Variants in BUD31 observed in about 807,000 individuals in gnomAD.
BUD31 encodes the protein BUD31 spliceosome associated protein.
Under a neutral mutation model 17.9 loss-of-function variants are expected in BUD31, and 9 were observed. The observed-to-expected ratio is 0.50, with a 90% CI of 0.30 to 0.88. BUD31 has a LOEUF of 0.88. Ranked by LOEUF, BUD31 falls within the 40% of genes least tolerant of loss-of-function variation. The pLI is 0.06. For missense variants in BUD31, 148 were observed against 184.5 expected, an observed-to-expected ratio of 0.80 and a Z score of 1.15; for synonymous variants, 70 against 64.7, an observed-to-expected ratio of 1.08 and a Z score of -0.39.
At chr7:99,409,790 T>G (rs1795104716) in intron 1 of BUD31, among the ~76,000 whole-genome samples, 1 of 148,226 alleles carries the variant, frequency 6.7e-6, no homozygotes, top group African/African-American at 2.5e-5. Flanking sequence ...TGGGTCTTTG[T>G]AAAGTGTCAG....
intron 3 of BUD31, among the ~76,000 whole-genome samples, chr7:99,413,067 G>T (rs1015189845): frequency 1.3e-5 from 2 of 152,164 alleles, no homozygotes; most frequent in African/African-American, 4.8e-5. Context: ...TCACCATCAT[G>T]GCAGAGGCCA....
chr7:99,417,324 A>T (rs1432574965), intron 4 of BUD31, 105 bp from the exon 5 acceptor site: 5 of 1,187,120 alleles, frequency 4.2e-6, no homozygotes, highest in Non-Finnish European at 6.2e-6. Context: ...AAGTGCTGGG[A>T]TTACAGGTGT....
rs186351479 is a variant in BUD31 at position 99,412,254 on chromosome 7, A to C, written c.94+1068A>C. ...TTGGGCTGAGAGATGTCTTCCCGAAACAGCTCTTTATCAAAATAAAGGAAA... is the reference window on the plus strand; with the variant it reads ...TTGGGCTGAGAGATGTCTTCCCGAACCAGCTCTTTATCAAAATAAAGGAAA... On this transcript the variant is annotated intron_variant, in intron 3 of 5. Coordinates refer to ENST00000222969, the MANE Select transcript of BUD31 (RefSeq NM_003910.4). 3.1e-3 allele frequency among the ~76,000 whole-genome samples: 472 copies of C among 152,330 alleles called. 4 individuals carry two copies. Among genetic ancestry groups the C allele is most frequent in the Non-Finnish European group, 1.5e-3 (103 of 68,040 alleles).
In BUD31 at chr7:99,411,122, A is replaced by G; in HGVS notation, c.30A>G (p.Ala10=). MPKVKRSRK[A]PPDGWELIEP... ...CTAAAGTCAAAAGAAGCCGGAAAGCACCCCCAGATGGCTGGGAGTTGATTG... is the reference window on the plus strand; with the variant it reads ...CTAAAGTCAAAAGAAGCCGGAAAGCGCCCCCAGATGGCTGGGAGTTGATTG... The change falls in exon 3 of 6, where the codon GCA becomes GCG. Residue 10 remains alanine (A), a synonymous_variant. Transcript: ENST00000222969. 6.2e-7 allele frequency: 1 copy of G among 1,614,134 alleles called. No individual in the cohort carries two copies. The highest frequency in any genetic ancestry group is 8.5e-7 in the Non-Finnish European group (1 of 1,180,018).
Position 99,419,396 on chromosome 7 carries a change from C to T in BUD31, c.390C>T (p.Arg130=), listed in dbSNP as rs375486823. ...RVPKSKLEVG[R]IIECTHCGCR... is the part of the protein sequence containing the mutation. Reference sequence around the variant, plus strand: ...ACTGTCCTCCTCCGTTGCAGGGCCGCATCATCGAGTGCACACACTGTGGCT... The same window carrying T: ...ACTGTCCTCCTCCGTTGCAGGGCCGTATCATCGAGTGCACACACTGTGGCT... The change falls in exon 6 of 6, where the codon CGC becomes CGT. Residue 130 remains arginine, a synonymous_variant. Transcript: ENST00000222969. 125 of 1,613,064 alleles carry T rather than the reference C, an allele frequency of 7.7e-5. No homozygotes were observed. Among genetic ancestry groups the T allele is most frequent in the Non-Finnish European group, 4.9e-5 (58 of 1,180,022 alleles).
rs574001314 is a variant in BUD31, at chr7:99,413,354, G to A, written c.94+2168G>A. On this transcript the variant is annotated intron_variant, in intron 3 of 5. Transcript: ENST00000222969. Reference sequence around the variant, plus strand: ...AAGTATGAGTGCCACCTGATCCTGCGTGTGTTGAAGGAGCAGCTTCTGCTG... The same window carrying A: ...AAGTATGAGTGCCACCTGATCCTGCATGTGTTGAAGGAGCAGCTTCTGCTG... 4.6e-4 allele frequency among the ~76,000 whole-genome samples: 70 copies of A among 152,308 alleles called. 3 individuals carry two copies. The South Asian group carries it at 0.012, about 26-fold the overall frequency.
rs761608311 is a variant in BUD31, at chr7:99,411,291, C to T, written c.94+105C>T. On this transcript the variant is annotated intron_variant, in intron 3 of 5. Transcript: ENST00000222969. Reference sequence around the variant, plus strand: ...GCAAATATAAAAAGAGAGTGGTCTACTAACACTGACATGTTGTGTTTGCTT... The same window carrying T: ...GCAAATATAAAAAGAGAGTGGTCTATTAACACTGACATGTTGTGTTTGCTT... 55 of 782,740 alleles carry T rather than the reference C, an allele frequency of 7.0e-5. 1 individual carries two copies. Among genetic ancestry groups the T allele is most frequent in the Non-Finnish European group, 1.0e-4 (49 of 474,664 alleles). 48.5% of individuals were successfully genotyped at this position (782,740 alleles called of 1,614,324 possible). A position where few individuals can be genotyped will look rare whatever the true frequency, so the allele number is the denominator to read the frequency against.
Position 99,419,544 on chromosome 7 carries a change from C to A in BUD31, c.*103C>A. The A allele has an allele frequency of 7.3e-7, 1 of 1,365,574 alleles. No homozygotes were observed. Among genetic ancestry groups the A allele is most frequent in the Non-Finnish European group, 1.0e-6 (1 of 969,088 alleles). 84.6% of individuals were successfully genotyped at this position (1,365,574 alleles called of 1,614,324 possible). On this transcript the variant is annotated 3_prime_UTR_variant, in exon 6 of 6. Transcript: ENST00000222969. The stretch of plus-strand genomic sequence containing the variant: ...GCAGTGCCCCAGGCCCGAGTTGGAG[C>A]ACGGTCTCTATGGGGAAGGCTTCGC...
intron 3 of BUD31, among the ~76,000 whole-genome samples, chr7:99,414,437 T>G (rs1042488379): frequency 1.3e-5 from 2 of 152,204 alleles, no homozygotes; most frequent in African/African-American, 4.8e-5. Flanking sequence ...AATAACAGCT[T>G]TATTGAGATA....
chr7:99,411,369 A>G, intron 3 of BUD31, 183 bp downstream of exon 3: 1 of 551,236 alleles, frequency 1.8e-6, no homozygotes, highest in Non-Finnish European at 3.2e-6. Flanking sequence ...CATTAATGAA[A>G]AGGTCCTCAG....
chr7:99,417,850 G>A, intron 5 of BUD31: 1 of 1,426,630 alleles, frequency 7.0e-7, no homozygotes. Context: ...TCCTCACTTA[G>A]GAAATGGTGG....
chr7:99,417,295 C>T (rs752662949), intron 4 of BUD31, 134 bp from the exon 5 acceptor site: 31 of 828,342 alleles, frequency 3.7e-5, no homozygotes, highest in Middle Eastern at 3.4e-4. Flanking sequence ...TCAGGTGATC[C>T]GCCTGCCTCG....
rs2150931818 is a variant in BUD31, at chr7:99,416,261, G to A, written c.217+1G>A. The stretch of plus-strand genomic sequence containing the variant: ...TACAAGCGGAAAGCCATCAGCAGAG[G>A]TAATTAGTCAGTCTCTCTTGGACTT... On this transcript the variant is annotated splice_donor_variant, in intron 4 of 5. Coordinates refer to ENST00000222969, the MANE Select transcript of BUD31 (RefSeq NM_003910.4). LOFTEE classifies it high-confidence loss of function. The A allele has an allele frequency of 2.5e-6, 4 of 1,613,156 alleles. No homozygotes were observed. Among genetic ancestry groups the A allele is most frequent in the Non-Finnish European group, 3.4e-6 (4 of 1,179,348 alleles).
At chr7:99,416,368 C>A (rs1230407606) in intron 4 of BUD31, 108 bp downstream of exon 4, 5 of 1,427,394 alleles carry the variant, frequency 3.5e-6, no homozygotes, top group Non-Finnish European at 4.7e-6. Flanking sequence ...GTTTTTCTTA[C>A]CACGAAAATT....
At chr7:99,411,831 C>G (rs1273993070) in intron 3 of BUD31, 3 of 401,468 alleles carry the variant, frequency 7.5e-6, no homozygotes, top group Non-Finnish European at 1.5e-5. Flanking sequence ...CTCAGCCTCT[C>G]GAGTAATTTG....
chr7:99,409,866 A>C (rs1020425004), intron 1 of BUD31, among the ~76,000 whole-genome samples, 168 bp from the exon 2 acceptor site: 3 of 152,094 alleles, frequency 2.0e-5, no homozygotes, highest in African/African-American at 4.8e-5. Flanking sequence ...GTAAATACTT[A>C]ACCTGGGTTC....
rs765713410 is a variant in BUD31 at position 99,419,458 on chromosome 7, CCTGGACT to C, written c.*25_*31del. 3.1e-5 allele frequency: 50 copies of C among 1,609,880 alleles called. No homozygotes were observed. The highest frequency in any genetic ancestry group is 1.2e-5 in the Non-Finnish European group (14 of 1,179,964). ...TCTGGCTGAGGCTGGCGCGCTCCACCCTGGACTCTGGACTTCGCAGGTTCCTGCCTGT... is the reference window on the plus strand; with the variant it reads ...TCTGGCTGAGGCTGGCGCGCTCCACCCTGGACTTCGCAGGTTCCTGCCTGT... On this transcript the variant is annotated 3_prime_UTR_variant, in exon 6 of 6. Transcript: ENST00000222969.
rs1795445831 is a variant in BUD31 at position 99,416,251 on chromosome 7, A to G, written c.208A>G (p.Ile70Val). ...CGACCTCTTTTACAAGCGGAAAGCC[A>G]TCAGCAGAGGTAATTAGTCAGTCTC... ...IFDLFYKRKAISRELYEYCIK... is the reference protein window; with the variant it reads ...IFDLFYKRKAVSRELYEYCIK... Residue 70 changes from isoleucine (I) to valine (V), a missense_variant, in exon 4 of 6, where the codon ATC (isoleucine) becomes GTC (valine). Ile to Val is a conservative substitution (Grantham distance 29, BLOSUM62 3). Coordinates refer to ENST00000222969, the MANE Select transcript of BUD31 (RefSeq NM_003910.4). The G allele has an allele frequency of 1.2e-6, 2 of 1,613,616 alleles. No homozygotes were observed. Among genetic ancestry groups the G allele is most frequent in the Non-Finnish European group, 1.7e-6 (2 of 1,179,640 alleles).
intron 3 of BUD31, among the ~76,000 whole-genome samples, chr7:99,414,424 T>C (rs1371615877): frequency 6.6e-6 from 1 of 152,206 alleles, no homozygotes; most frequent in Non-Finnish European, 1.5e-5. Flanking sequence ...TATTCTGTTT[T>C]TAAATAACAG....
Sources: allele counts gnomAD v4.1 joint callset (sites outside exome capture counted in the v4.1 genomes callset), GRCh38; gene constraint gnomAD v4.1.1; transcripts MANE v1.5; gene names NCBI Gene and HGNC (gene_info 2026-07-23, HGNC 2026-07-21).